The following RAB11FIP4 variants were observed in gnomAD, a reference collection of about 807,000 sequenced individuals.
The protein encoded by RAB11FIP4 is RAB11 family interacting protein 4.
A neutral mutation model predicts 74.3 loss-of-function variants in RAB11FIP4; 23 were observed. That is an observed-to-expected ratio of 0.31 (90% CI 0.22 to 0.44). The LOEUF is 0.44. Ranked by LOEUF, RAB11FIP4 falls within the 20% of genes least tolerant of loss-of-function variation. RAB11FIP4 has a pLI of 1.00. For missense variants in RAB11FIP4, 630 were observed against 863.9 expected, an observed-to-expected ratio of 0.73 and a Z score of 3.39; for synonymous variants, 360 against 359.9, an observed-to-expected ratio of 1.00 and a Z score of 0.00.
At chr17:31,420,585 T>G (rs552822608) in intron 1 of RAB11FIP4, among the ~76,000 whole-genome samples, 2 of 152,186 alleles carry the variant, frequency 1.3e-5, no homozygotes, top group East Asian at 3.9e-4. Flanking sequence ...TCTGTCATTC[T>G]GGTTAGAGAT....
intron 1 of RAB11FIP4, among the ~76,000 whole-genome samples, chr17:31,405,691 T>G (rs1042798184): frequency 6.6e-6 from 1 of 152,240 alleles, no homozygotes; most frequent in African/African-American, 2.4e-5. Flanking sequence ...TATCAAATAT[T>G]GTTCTTGATA....
rs201021292 is a variant in RAB11FIP4, at chr17:31,517,773, G to A, written c.459G>A (p.Leu153=). The A allele has an allele frequency of 1.9e-6, 3 of 1,566,092 alleles. No individual in the cohort carries two copies. The highest frequency in any genetic ancestry group is 2.3e-5 in the East Asian group (1 of 42,824). The part of the protein sequence containing the change: ...TLAPPEGPQE[L]YTDSPMESTQ... ...CGCCACCTGAGGGCCCCCAGGAGTTGTACACAGACAGCCCCATGGAGAGCA... is the reference window on the plus strand; with the variant it reads ...CGCCACCTGAGGGCCCCCAGGAGTTATACACAGACAGCCCCATGGAGAGCA... The change falls in exon 4 of 15, where the codon TTG becomes TTA. Residue 153 remains leucine (L), a synonymous_variant. Coordinates refer to ENST00000621161, the MANE Select transcript of RAB11FIP4 (RefSeq NM_032932.6).
chr17:31,402,767 G>T (rs147793345), intron 1 of RAB11FIP4, among the ~76,000 whole-genome samples: 2 of 151,470 alleles, frequency 1.3e-5, no homozygotes, highest in African/African-American at 4.9e-5. Context: ...GACTACAGGC[G>T]CCCACCATCA....
At chr17:31,392,202 C>G (rs560760611) in intron 1 of RAB11FIP4, 191 bp downstream of exon 1, 1 of 389,098 alleles carries the variant, frequency 2.6e-6, no homozygotes, top group Non-Finnish European at 4.4e-6. Flanking sequence ...TCGCTTTCCG[C>G]CCCCCGGCGC....
rs772151278 is a variant in RAB11FIP4, at chr17:31,517,702, G to A, written c.388G>A (p.Glu130Lys). 8 of 1,607,424 alleles carry A rather than the reference G, an allele frequency of 5.0e-6. No individual in the cohort carries two copies. The Admixed American group carries it at 5.1e-5, about 10-fold the overall frequency. ...TGCTGATGGCGAGCTCATCCCCAGG[G>A]AACCCGGCTTTTTTCCCGAGGACGA... The part of the protein sequence containing the change: ...TFADGELIPR[E>K]PGFFPEDEEE... The change falls in exon 4 of 15, where the codon GAA becomes AAA. Residue 130 changes from glutamate to lysine, a missense_variant. Physicochemically the swap from Glu to Lys is moderately conservative, Grantham distance 56 (BLOSUM62 1). Transcript: ENST00000621161.
intron 7 of RAB11FIP4, chr17:31,522,665 G>A: frequency 1.9e-6 from 1 of 535,468 alleles, no homozygotes; most frequent in Non-Finnish European, 3.3e-6. Flanking sequence ...GATGCCCTGA[G>A]AGAGACAGAG....
At chr17:31,506,534 G>A (rs550390636) in intron 3 of RAB11FIP4, among the ~76,000 whole-genome samples, 5 of 152,120 alleles carry the variant, frequency 3.3e-5, no homozygotes, top group South Asian at 4.1e-4. Flanking sequence ...ACCTTTCCCC[G>A]TCCTCCCTTC....
At chr17:31,531,518 A>G (rs2072871218) in intron 14 of RAB11FIP4, 98 bp from the exon 15 acceptor site, 15 of 785,332 alleles carry the variant, frequency 1.9e-5, no homozygotes, top group Admixed American at 4.0e-5. Context: ...GATGCCCTCT[A>G]TTGTCAGGCA....
chr17:31,419,702 C>A (rs1309794869), intron 1 of RAB11FIP4, among the ~76,000 whole-genome samples: 2 of 151,996 alleles, frequency 1.3e-5, no homozygotes, highest in Non-Finnish European at 2.9e-5. Flanking sequence ...AGGCGCCCAC[C>A]ACCATGCCCG....
intron 3 of RAB11FIP4, among the ~76,000 whole-genome samples, chr17:31,504,841 T>C (rs73988074): frequency 0.19 from 28,871 of 152,048 alleles, 3,000 homozygotes; most frequent in East Asian, 0.49. Flanking sequence ...GTCTCTCAGT[T>C]AATCTAGAAC....
intron 3 of RAB11FIP4, among the ~76,000 whole-genome samples, chr17:31,514,455 G>T (rs536282883): frequency 3.9e-4 from 58 of 150,642 alleles, no homozygotes; most frequent in African/African-American, 1.4e-3. Context: ...GAAGGTGGGT[G>T]TTGGGGAAAC....
At chr17:31,443,794 A>T (rs576882636) in intron 3 of RAB11FIP4, among the ~76,000 whole-genome samples, 9 of 152,362 alleles carry the variant, frequency 5.9e-5, no homozygotes, top group African/African-American at 1.9e-4. Context: ...GCATGCCTGT[A>T]ATCCCAGCTA....
intron 1 of RAB11FIP4, among the ~76,000 whole-genome samples, chr17:31,424,249 C>T (rs2071225822): frequency 6.6e-6 from 1 of 152,108 alleles, no homozygotes; most frequent in African/African-American, 2.4e-5. Context: ...TGTTTTATGT[C>T]TTCTGTCAGG....
chr17:31,444,798 T>C (rs2071436462), intron 3 of RAB11FIP4, among the ~76,000 whole-genome samples: 2 of 152,236 alleles, frequency 1.3e-5, no homozygotes, highest in African/African-American at 4.8e-5. Context: ...CACCTTCGTA[T>C]ATACCTTTCC....
intron 1 of RAB11FIP4, chr17:31,392,620 C>G (rs1177590357): frequency 6.6e-6 from 1 of 152,320 alleles, no homozygotes; most frequent in Non-Finnish European, 1.5e-5. Flanking sequence ...CAAAGCCAGG[C>G]TCGGGGAGTG....
At chr17:31,432,195 C>A (rs775224476) in intron 2 of RAB11FIP4, among the ~76,000 whole-genome samples, 9 of 152,098 alleles carry the variant, frequency 5.9e-5, no homozygotes, top group Non-Finnish European at 8.8e-5. Context: ...CTCTCTCTCC[C>A]GCTCTGGGGT....
At chr17:31,436,014 G>C (rs2071353656) in intron 3 of RAB11FIP4, among the ~76,000 whole-genome samples, 1 of 152,254 alleles carries the variant, frequency 6.6e-6, no homozygotes, top group African/African-American at 2.4e-5. Flanking sequence ...GATTAGGAAA[G>C]AGGACCTCCA....
chr17:31,476,733 C>G (rs998727146), intron 3 of RAB11FIP4, among the ~76,000 whole-genome samples: 11 of 152,230 alleles, frequency 7.2e-5, no homozygotes, highest in African/African-American at 2.4e-4. Flanking sequence ...CCAGTTTCTA[C>G]GTGAACACAG....
rs36097331 is a variant in RAB11FIP4, at chr17:31,480,793, C to CA, written c.337-36835dup. 6.7e-3 allele frequency among the ~76,000 whole-genome samples: 495 copies of CA among 73,578 alleles called. 4 individuals are homozygous for CA. Among genetic ancestry groups the CA allele is most frequent in the Non-Finnish European group, 9.4e-3 (360 of 38,152 alleles). 48.3% of individuals were successfully genotyped at this position (73,578 alleles called of 152,430 possible). A position where few individuals can be genotyped will look rare whatever the true frequency, so the allele number is the denominator to read the frequency against. On this transcript the variant is annotated intron_variant, in intron 3 of 14. Transcript: ENST00000621161. The stretch of plus-strand genomic sequence containing the variant: ...CAGAGCCAGACTCCAGACTCCGTCT[C>CA]AAAAAAAAAAAAAAAAAAAAAAAGA...
Sources: gnomAD v4.1 joint callset for allele counts (sites outside exome capture counted in the v4.1 genomes callset) on GRCh38, gnomAD v4.1.1 for gene constraint, MANE v1.5 for transcripts, NCBI Gene and HGNC (gene_info 2026-07-23, HGNC 2026-07-21) for gene names.